CAMK2G: variants seen among roughly 807,000 people sequenced by gnomAD.
CAMK2G encodes calcium/calmodulin dependent protein kinase II gamma.
A neutral mutation model predicts 88.7 loss-of-function variants in CAMK2G; 23 were observed. The observed-to-expected ratio is 0.26, with a 90% CI of 0.19 to 0.37. The LOEUF is 0.37. Ranked by LOEUF, CAMK2G falls within the 10% of genes least tolerant of loss-of-function variation. The pLI is 1.00. For synonymous variants in CAMK2G, 263 were observed against 294.8 expected, an observed-to-expected ratio of 0.89 and a Z score of 1.11; for missense variants, 476 against 780.8, an observed-to-expected ratio of 0.61 and a Z score of 4.65.
intron 22 of CAMK2G, 129 bp downstream of exon 22, chr10:73,814,874 C>A: frequency 1.6e-6 from 1 of 631,392 alleles, no homozygotes. Flanking sequence ...ACCATTCTGC[C>A]AGGCTTTGCC....
rs150519752 is a variant in CAMK2G at position 73,849,417 on chromosome 10, C to T, written c.342-84G>A. 222 of 966,126 alleles carry T rather than the reference C, an allele frequency of 2.3e-4. 1 individual carries two copies. In the African/African-American group the frequency reaches 2.9e-3, roughly 13 times the overall value. 59.8% of individuals were successfully genotyped at this position (966,126 alleles called of 1,614,324 possible). On this transcript the variant is annotated intron_variant, in intron 5 of 22. Transcript: ENST00000423381. ...CACAACCACATGCTGCAGACTAAGGCATGTGACAAGGGGCCACGGATTCAC... is the reference window on the plus strand; with the variant it reads ...CACAACCACATGCTGCAGACTAAGGTATGTGACAAGGGGCCACGGATTCAC...
chr10:73,861,722 G>A (rs551617960), intron 2 of CAMK2G, among the ~76,000 whole-genome samples: 10 of 152,200 alleles, frequency 6.6e-5, no homozygotes, highest in African/African-American at 1.9e-4. Context: ...ATATATACTC[G>A]GCACTGGCTA....
chr10:73,823,214 A>T (rs1414592930), intron 17 of CAMK2G, among the ~76,000 whole-genome samples: 1 of 150,524 alleles, frequency 6.6e-6, no homozygotes, highest in Non-Finnish European at 1.5e-5. Flanking sequence ...ATTAGATTTT[A>T]TCTTATTTAT....
In CAMK2G at chr10:73,845,904, C is replaced by CT. The variant is rs775000753; in HGVS notation, c.819+1320dup. ...TCTTTTAAAAATTTTCAATTCCCTT[C>CT]TTTTTTTTTTTTTTTTTTTAAAGAG... On this transcript the variant is annotated intron_variant, in intron 10 of 22. Coordinates refer to ENST00000423381, the MANE Select transcript of CAMK2G (RefSeq NM_001367534.1). Among the ~76,000 whole-genome samples, 412 of 135,880 alleles carry CT rather than the reference C, an allele frequency of 3.0e-3. 4 individuals are homozygous for CT. Among genetic ancestry groups the CT allele is most frequent in the East Asian group, 5.1e-3 (24 of 4,714 alleles). 89.1% of individuals were successfully genotyped at this position (135,880 alleles called of 152,430 possible).
chr10:73,837,456 G>T lies in CAMK2G; in HGVS notation c.1053+12C>A. 1 of 1,609,618 alleles carries T rather than the reference G, an allele frequency of 6.2e-7. No homozygotes were observed. Among genetic ancestry groups the T allele is most frequent in the Non-Finnish European group, 8.5e-7 (1 of 1,175,898 alleles). On this transcript the variant is annotated intron_variant, in intron 14 of 22. Coordinates refer to ENST00000423381, the MANE Select transcript of CAMK2G (RefSeq NM_001367534.1). ...AAAGAGGCCAGTCTGTTCAGAGGCT[G>T]GAGACACTTACCTTGACACCGCCAT...
chr10:73,843,991 C>A (rs1205059960), intron 10 of CAMK2G, among the ~76,000 whole-genome samples: 1 of 152,220 alleles, frequency 6.6e-6, no homozygotes, highest in African/African-American at 2.4e-5. Flanking sequence ...TCTTTTTCTG[C>A]TGTCCAAACC....
chr10:73,829,303 T>TTTAC (rs970000868), intron 14 of CAMK2G, among the ~76,000 whole-genome samples: 7 of 150,944 alleles, frequency 4.6e-5, no homozygotes, highest in Admixed American at 2.0e-4. Flanking sequence ...TATTTATTTA[T>TTTAC]TTATTTATTT....
chr10:73,852,950 G>A lies in CAMK2G; in HGVS notation c.275+242C>T, dbSNP rs1244730390. 7.1e-6 allele frequency: 4 copies of A among 566,258 alleles called. No individual in the cohort carries two copies. In the Admixed American group the frequency reaches 9.6e-5, roughly 14 times the overall value. 35.1% of individuals were successfully genotyped at this position (566,258 alleles called of 1,614,324 possible). A position where few individuals can be genotyped will look rare whatever the true frequency, so the allele number is the denominator to read the frequency against. On this transcript the variant is annotated intron_variant, in intron 4 of 22. Coordinates refer to ENST00000423381, the MANE Select transcript of CAMK2G (RefSeq NM_001367534.1). ...CAAGACAAAGGCATCTGTGCAAGGCGTGCTGCTGAACAGAAGTGCGAGAGG... is the reference window on the plus strand; with the variant it reads ...CAAGACAAAGGCATCTGTGCAAGGCATGCTGCTGAACAGAAGTGCGAGAGG...
intron 17 of CAMK2G, among the ~76,000 whole-genome samples, chr10:73,822,063 A>C (rs1293122254): frequency 6.6e-6 from 1 of 152,126 alleles, no homozygotes; most frequent in Non-Finnish European, 1.5e-5. Context: ...TTACCTCTTC[A>C]CTTCCAATGC....
chr10:73,841,959 G>A, intron 12 of CAMK2G: 1 of 589,464 alleles, frequency 1.7e-6, no homozygotes, highest in Non-Finnish European at 3.0e-6. Context: ...GGAAGTTCTA[G>A]GAAACAATTC....
intron 4 of CAMK2G, 49 bp downstream of exon 4, chr10:73,853,143 G>GAGTCAGCT: frequency 6.4e-7 from 1 of 1,557,132 alleles, no homozygotes; most frequent in Non-Finnish European, 8.9e-7. Flanking sequence ...CCTTCATTTT[G>GAGTCAGCT]AGTCAGCTAG....
intron 14 of CAMK2G, among the ~76,000 whole-genome samples, chr10:73,829,471 G>A (rs1270336751): frequency 1.3e-5 from 2 of 150,912 alleles, no homozygotes; most frequent in African/African-American, 4.9e-5. Flanking sequence ...ATTTTTTTTT[G>A]TATTTTTAGT....
chr10:73,815,817 G>T lies in CAMK2G; in HGVS notation c.1535-570C>A. 4.1e-6 allele frequency: 4 copies of T among 985,494 alleles called. No homozygotes were observed. The South Asian group carries it at 1.9e-4, about 46-fold the overall frequency. The allele number at this position is 985,494 out of a possible 1,614,324, so 61.0% of individuals were successfully genotyped here. A position where few individuals can be genotyped will look rare whatever the true frequency, so the allele number is the denominator to read the frequency against. The stretch of plus-strand genomic sequence containing the variant: ...AAGCACCAAGCTCAGGATATTCCCA[G>T]GATTCTCTGGGGAAAAGGCAAAAGA... On this transcript the variant is annotated intron_variant, in intron 21 of 22. Coordinates refer to ENST00000423381, the MANE Select transcript of CAMK2G (RefSeq NM_001367534.1).
rs1471143751 is a variant in CAMK2G, at chr10:73,874,468, G to C, written c.-7C>G. ...AGGTGGCGGTGGTGGCCATGCTGGC[G>C]GGCGGGCGGACGCGGCGGTGCAGCC... is the stretch of plus-strand genomic sequence containing the variant. On this transcript the variant is annotated 5_prime_UTR_variant, in exon 1 of 23. Coordinates refer to ENST00000423381, the MANE Select transcript of CAMK2G (RefSeq NM_001367534.1). 5 of 1,492,904 alleles carry C rather than the reference G, an allele frequency of 3.3e-6. No homozygotes were observed. The highest frequency in any genetic ancestry group is 3.6e-6 in the Non-Finnish European group (4 of 1,110,640). The allele number at this position is 1,492,904 out of a possible 1,614,324, so 92.5% of individuals were successfully genotyped here.
intron 20 of CAMK2G, 109 bp downstream of exon 20, chr10:73,817,370 T>C: frequency 1.1e-6 from 1 of 894,202 alleles, no homozygotes; most frequent in South Asian, 1.4e-5. Flanking sequence ...ACTCAGATAC[T>C]TTGCCCAAGG....
intron 19 of CAMK2G, 141 bp downstream of exon 19, chr10:73,819,391 C>T (rs1221042089): frequency 1.5e-6 from 1 of 675,206 alleles, no homozygotes; most frequent in Admixed American, 2.3e-5. Flanking sequence ...CAGTCTACCC[C>T]CCACCCCCAG....
intron 3 of CAMK2G, among the ~76,000 whole-genome samples, chr10:73,853,787 A>G (rs1407887003): frequency 6.6e-6 from 1 of 152,218 alleles, no homozygotes; most frequent in Admixed American, 6.5e-5. Context: ...AATGACAACA[A>G]TAACAGCTTA....
At chr10:73,814,545 AAT>A (rs1275779183) in intron 22 of CAMK2G, 40 bp from the exon 23 acceptor site, 1 of 171,176 alleles carries the variant, frequency 5.8e-6, no homozygotes, top group East Asian at 1.5e-4. Context: ...AACAGAGGAC[AAT>A]GAGCACACAG....
chr10:73,855,257 C>T (rs1391397368), intron 3 of CAMK2G, among the ~76,000 whole-genome samples: 1 of 152,168 alleles, frequency 6.6e-6, no homozygotes, highest in African/African-American at 2.4e-5. Flanking sequence ...GCAGCTGCTG[C>T]TCCCTCGCTT....
Sources: gnomAD v4.1 joint callset for allele counts (sites outside exome capture counted in the v4.1 genomes callset) on GRCh38, gnomAD v4.1.1 for gene constraint, MANE v1.5 for transcripts, NCBI Gene and HGNC (gene_info 2026-07-23, HGNC 2026-07-21) for gene names.